RORA: variants seen among roughly 807,000 people sequenced by gnomAD.
RORA encodes the protein RAR related orphan receptor A.
RORA carries 7 observed loss-of-function variants against 69.5 expected under a neutral mutation model. The observed-to-expected ratio is 0.10, with a 90% CI of 0.06 to 0.19. The LOEUF (loss-of-function observed/expected upper bound fraction) is 0.19, where lower values mean the gene tolerates loss of function less well. Ranked by LOEUF, RORA falls within the 10% of genes least tolerant of loss-of-function variation. The pLI is 1.00. For missense variants in RORA, 457 were observed against 663.0 expected (o/e 0.69, Z 3.41); for synonymous variants, 261 against 240.8 (o/e 1.08, Z -0.78).
At chr15:60,636,822 T>G (rs73424084) in intron 2 of RORA, among the ~76,000 whole-genome samples, 2,505 of 152,246 alleles carry the variant, frequency 0.016, 60 homozygotes, top group African/African-American at 0.056. Context: ...TTAAAAATCT[T>G]CACAACTAAA....
intron 1 of RORA, among the ~76,000 whole-genome samples, chr15:61,168,856 G>C (rs935668103): frequency 3.3e-5 from 5 of 152,042 alleles, no homozygotes; most frequent in African/African-American, 1.2e-4. Context: ...TGGGTGTAAT[G>C]CTTACCTCCC....
At chr15:60,988,817 T>TA (rs1357964699) in intron 1 of RORA, among the ~76,000 whole-genome samples, 1 of 152,190 alleles carries the variant, frequency 6.6e-6, no homozygotes, top group Non-Finnish European at 1.5e-5. Flanking sequence ...CAGAGATTGG[T>TA]ATGTGCACCC....
intron 1 of RORA, among the ~76,000 whole-genome samples, chr15:60,707,549 G>C (rs2071081962): frequency 6.6e-6 from 1 of 151,922 alleles, no homozygotes; most frequent in Non-Finnish European, 1.5e-5. Context: ...ATTTTTAGTA[G>C]AGATGGGGTT....
intron 1 of RORA, among the ~76,000 whole-genome samples, chr15:60,787,238 C>A (rs770987635): frequency 1.3e-5 from 2 of 152,312 alleles, no homozygotes; most frequent in East Asian, 3.9e-4. Context: ...ACCAAGCCTG[C>A]GAGCTCAAGG....
chr15:60,809,510 C>G (rs569131050), intron 1 of RORA, among the ~76,000 whole-genome samples: 1 of 152,172 alleles, frequency 6.6e-6, no homozygotes, highest in Non-Finnish European at 1.5e-5. Context: ...CTCCATATCT[C>G]GAAATAACAG....
intron 1 of RORA, among the ~76,000 whole-genome samples, chr15:60,779,237 C>T (rs982407436): frequency 2.0e-5 from 3 of 152,194 alleles, no homozygotes; most frequent in Admixed American, 6.5e-5. Flanking sequence ...ACCCAAGGCT[C>T]GTTGTCTCCC....
At chr15:60,898,413 A>G (rs1891289049) in intron 1 of RORA, among the ~76,000 whole-genome samples, 1 of 152,098 alleles carries the variant, frequency 6.6e-6, no homozygotes, top group Admixed American at 6.6e-5. Flanking sequence ...CCGGTGGCTC[A>G]CAAATGCAAT....
At chr15:60,562,233 C>A (rs940626784) in intron 2 of RORA, among the ~76,000 whole-genome samples, 2 of 152,004 alleles carry the variant, frequency 1.3e-5, no homozygotes, top group African/African-American at 2.4e-5. Flanking sequence ...CTGCGCCCTG[C>A]CAGTTTACAA....
chr15:61,168,035 G>A (rs557335092), intron 1 of RORA, among the ~76,000 whole-genome samples: 2 of 152,062 alleles, frequency 1.3e-5, no homozygotes, highest in Non-Finnish European at 2.9e-5. Flanking sequence ...CCAAACAGTT[G>A]TAAAAGCCCA....
chr15:60,556,490 A>G (rs1034273569), intron 2 of RORA, among the ~76,000 whole-genome samples: 3 of 152,170 alleles, frequency 2.0e-5, no homozygotes, highest in African/African-American at 7.2e-5. Flanking sequence ...AGTTACCTAA[A>G]TAAATTTTGT....
Position 61,147,686 on chromosome 15 carries a change from C to T in RORA, c.166+81367G>A, listed in dbSNP as rs2079361269. Among the ~76,000 whole-genome samples the T allele has an allele frequency of 6.6e-6, 1 of 152,220 alleles. No homozygotes were observed. Among genetic ancestry groups the T allele is most frequent in the East Asian group, 1.9e-4 (1 of 5,180 alleles). On this transcript the variant is annotated intron_variant, in intron 1 of 10. Transcript: ENST00000335670. This position sits in a 1 kb window ranked among gnomAD's most constrained non-coding sequence, Gnocchi z 4.1. ...AGGTGACACTCTTCACATTTCTAAGCCCAAGTGTCCTAGCTGGAGTTAACC... is the reference window on the plus strand; with the variant it reads ...AGGTGACACTCTTCACATTTCTAAGTCCAAGTGTCCTAGCTGGAGTTAACC...
chr15:60,567,422 T>A (rs1364526639), intron 2 of RORA, among the ~76,000 whole-genome samples: 2 of 151,170 alleles, frequency 1.3e-5, no homozygotes, highest in African/African-American at 4.9e-5. Flanking sequence ...TATTATTTTT[T>A]TTTTTCTGAG....
chr15:60,931,478 TC>T (rs1215298223), intron 1 of RORA, among the ~76,000 whole-genome samples: 1 of 152,236 alleles, frequency 6.6e-6, no homozygotes, highest in Non-Finnish European at 1.5e-5. Flanking sequence ...CCTGCCAATC[TC>T]CCAGACTCCT....
At chr15:60,807,768 G>C (rs1478220233) in intron 1 of RORA, among the ~76,000 whole-genome samples, 3 of 152,104 alleles carry the variant, frequency 2.0e-5, no homozygotes, top group African/African-American at 7.2e-5. Context: ...CAGAAATAAA[G>C]CCAAATACTT....
intron 2 of RORA, among the ~76,000 whole-genome samples, chr15:60,579,293 G>A (rs2068122312): frequency 6.6e-6 from 1 of 152,112 alleles, no homozygotes. Flanking sequence ...AGAGGGCCTT[G>A]GGGCCCCGCA....
At chr15:60,944,077 C>T (rs973179539) in intron 1 of RORA, among the ~76,000 whole-genome samples, 1 of 152,036 alleles carries the variant, frequency 6.6e-6, no homozygotes, top group East Asian at 1.9e-4. Flanking sequence ...CAGGAAAAAT[C>T]ACACATATGC....
chr15:60,873,639 T>A (rs2140438464), intron 1 of RORA, among the ~76,000 whole-genome samples: 1 of 152,256 alleles, frequency 6.6e-6, no homozygotes, highest in Non-Finnish European at 1.5e-5. Flanking sequence ...CTAAGATAAA[T>A]GACTATACAA....
chr15:61,215,272 T>C (rs1596078123), intron 1 of RORA, among the ~76,000 whole-genome samples: 1 of 152,094 alleles, frequency 6.6e-6, no homozygotes, highest in South Asian at 2.1e-4. Context: ...TTAGGGTTCA[T>C]GTGTGACTTA....
chr15:60,516,225 AT>A (rs2065947407), intron 3 of RORA, among the ~76,000 whole-genome samples: 2 of 57,318 alleles, frequency 3.5e-5, no homozygotes, highest in African/African-American at 2.4e-4. Context: ...ATATATATTT[AT>A]ATATATATTT....
Sources: gnomAD v4.1 joint callset for allele counts (sites outside exome capture counted in the v4.1 genomes callset) on GRCh38, gnomAD v4.1.1 for gene constraint, Gnocchi (gnomAD v3.1) non-coding constraint, MANE v1.5 for transcripts, NCBI Gene and HGNC (gene_info 2026-07-23, HGNC 2026-07-21) for gene names.